MCU: variants seen among roughly 807,000 people sequenced by gnomAD.
MCU encodes mitochondrial calcium uniporter, also known as calcium uniporter protein, mitochondrial.
MCU carries 12 observed loss-of-function variants against 45.2 expected under a neutral mutation model. That is an observed-to-expected ratio of 0.27 (90% confidence interval 0.17 to 0.43). The LOEUF (loss-of-function observed/expected upper bound fraction) is 0.43. Ranked by LOEUF, MCU falls within the 20% of genes least tolerant of loss-of-function variation. The pLI is 1.00. For synonymous variants in MCU, 160 were observed against 165.1 expected (o/e 0.97, Z 0.24); for missense variants, 324 against 436.7 (o/e 0.74, Z 2.30).
intron 5 of MCU, among the ~76,000 whole-genome samples, 197 bp downstream of exon 5, chr10:72,869,060 T>A (rs986902184): frequency 6.6e-6 from 1 of 152,226 alleles, no homozygotes; most frequent in African/African-American, 2.4e-5. Flanking sequence ...GGAGCCTTGA[T>A]AATGGACTTA....
chr10:72,788,684 C>T (rs1009776435), intron 1 of MCU, among the ~76,000 whole-genome samples: 3 of 152,094 alleles, frequency 2.0e-5, no homozygotes, highest in Non-Finnish European at 2.9e-5. Context: ...AAGTTCATCT[C>T]GTGCTTTCTA....
intron 1 of MCU, among the ~76,000 whole-genome samples, chr10:72,758,436 A>T (rs1843608585): frequency 6.6e-6 from 1 of 152,202 alleles, no homozygotes; most frequent in Non-Finnish European, 1.5e-5. Context: ...CCACAGATAC[A>T]GTTGTGTATT....
At chr10:72,803,044 C>T (rs964454637) in intron 1 of MCU, among the ~76,000 whole-genome samples, 2 of 152,146 alleles carry the variant, frequency 1.3e-5, no homozygotes, top group Non-Finnish European at 2.9e-5. Flanking sequence ...CTCCTTTTCT[C>T]CTCTTCTCCT....
chr10:72,816,796 G>T (rs1175545751), intron 1 of MCU, among the ~76,000 whole-genome samples: 1 of 152,060 alleles, frequency 6.6e-6, no homozygotes, highest in Non-Finnish European at 1.5e-5. Context: ...ATCTGGTGAG[G>T]TTACAGACCT....
chr10:72,708,829 A>G (rs1369362226), intron 1 of MCU, among the ~76,000 whole-genome samples: 1 of 152,180 alleles, frequency 6.6e-6, no homozygotes, highest in African/African-American at 2.4e-5. Context: ...AAAAATAGTA[A>G]TGAAAAAGAT....
chr10:72,760,712 C>CTTTTTTTTTTTTTTTTTTTTTTTT (rs1381226351), intron 1 of MCU: 2 of 116,816 alleles, frequency 1.7e-5, no homozygotes, highest in Non-Finnish European at 1.8e-5. Context: ...TTTTTTTTTT[C>CTTTTTTTTTTTTTTTTTTTTTTTT]TTTCTTTTTT....
intron 1 of MCU, among the ~76,000 whole-genome samples, chr10:72,779,539 G>A (rs1178896771): frequency 2.0e-5 from 3 of 152,268 alleles, no homozygotes; most frequent in South Asian, 4.1e-4. Flanking sequence ...TTATTTGTTA[G>A]AGGACTTGCA....
chr10:72,700,823 T>G (rs977912593), intron 1 of MCU, among the ~76,000 whole-genome samples: 2 of 152,214 alleles, frequency 1.3e-5, no homozygotes, highest in Non-Finnish European at 2.9e-5. Context: ...TTAATTTTTA[T>G]GCTTTGTTCC....
intron 4 of MCU, chr10:72,861,649 C>T (rs1260401618): frequency 2.6e-6 from 1 of 380,162 alleles, no homozygotes; most frequent in South Asian, 2.0e-5. Context: ...GCCCAGCCGC[C>T]AGGCTAATTT....
intron 2 of MCU, among the ~76,000 whole-genome samples, chr10:72,855,656 A>C (rs1324635695): frequency 1.3e-5 from 2 of 152,194 alleles, no homozygotes; most frequent in Non-Finnish European, 2.9e-5. Flanking sequence ...AAAGATAGTA[A>C]ATCTAAAAAT....
At chr10:72,785,050 T>C (rs1844051585) in intron 1 of MCU, among the ~76,000 whole-genome samples, 1 of 152,208 alleles carries the variant, frequency 6.6e-6, no homozygotes, top group Admixed American at 6.5e-5. Context: ...GCTCTTCTTT[T>C]CCTTTTCCAG....
chr10:72,846,591 G>A (rs1192606434), intron 2 of MCU, among the ~76,000 whole-genome samples: 1 of 152,180 alleles, frequency 6.6e-6, no homozygotes, highest in African/African-American at 2.4e-5. Context: ...GAGTAGTGAT[G>A]CTGGCATGTT....
chr10:72,835,048 A>G (rs1346583202), intron 2 of MCU, among the ~76,000 whole-genome samples: 1 of 152,212 alleles, frequency 6.6e-6, no homozygotes, highest in Non-Finnish European at 1.5e-5. Flanking sequence ...CATTATGGAT[A>G]ATGATCAAAC....
chr10:72,693,127 A>C (rs1384345187), intron 1 of MCU: 48 of 1,496,704 alleles, frequency 3.2e-5, no homozygotes, highest in Non-Finnish European at 4.2e-5. Flanking sequence ...GCTGGGTTTC[A>C]TTGGCTGGCA....
rs185045859 is a variant in MCU at position 72,769,272 on chromosome 10, A to G, written c.151-65087A>G. On this transcript the variant is annotated intron_variant, in intron 1 of 7. Transcript: ENST00000373053. ...TGTTGTCAAAGGGTTTTAGGTAACC[A>G]GTTATGCCATGAAGAATAAAACCGA... Among the ~76,000 whole-genome samples, 141 of 152,280 alleles carry G rather than the reference A, an allele frequency of 9.3e-4. 1 individual carries two copies. Among genetic ancestry groups the G allele is most frequent in the Non-Finnish European group, 8.2e-4 (56 of 68,016 alleles).
intron 1 of MCU, among the ~76,000 whole-genome samples, chr10:72,759,028 G>T (rs1843617003): frequency 6.6e-6 from 1 of 152,116 alleles, no homozygotes; most frequent in Non-Finnish European, 1.5e-5. Context: ...GTTTGTTGCT[G>T]AACCTCTTTA....
chr10:72,702,183 A>G (rs1384704788), intron 1 of MCU, among the ~76,000 whole-genome samples: 1 of 151,728 alleles, frequency 6.6e-6, no homozygotes, highest in East Asian at 1.9e-4. Context: ...CCCAGGAGGC[A>G]GAGGTTGCAG....
rs1186805219 is a variant in MCU at position 72,804,056 on chromosome 10, A to T, written c.151-30303A>T. On this transcript the variant is annotated intron_variant, in intron 1 of 7. Coordinates refer to ENST00000373053, the MANE Select transcript of MCU (RefSeq NM_138357.3). ...TATATATATATATATATATATATAT[A>T]TATATATATATATATATAAAATAAG... Among the ~76,000 whole-genome samples the T allele has an allele frequency of 1.3e-4, 11 of 84,654 alleles. 2 individuals carry two copies. The highest frequency in any genetic ancestry group is 6.2e-4 in the African/African-American group (11 of 17,726). The allele number at this position is 84,654 out of a possible 152,430, so 55.5% of individuals were successfully genotyped here.
intron 6 of MCU, among the ~76,000 whole-genome samples, chr10:72,877,133 C>G (rs1309612210): frequency 1.3e-5 from 2 of 152,048 alleles, no homozygotes; most frequent in East Asian, 3.9e-4. Context: ...ATTGCCCAGG[C>G]TGGTCTCAAA....
Sources: gnomAD v4.1 joint callset for allele counts (sites outside exome capture counted in the v4.1 genomes callset) on GRCh38, gnomAD v4.1.1 for gene constraint, MANE v1.5 for transcripts, NCBI Gene and HGNC (gene_info 2026-07-23, HGNC 2026-07-21) for gene names.